ASXL1: variants seen among roughly 807,000 people sequenced by gnomAD.
ASXL1 encodes ASXL transcriptional regulator 1.
A neutral mutation model predicts 89.1 loss-of-function variants in ASXL1; 65 were observed. The observed-to-expected ratio is 0.73, with a 90% CI of 0.60 to 0.90. The LOEUF (loss-of-function observed/expected upper bound fraction) is 0.90. Among genes scored for constraint, ASXL1 ranks in the 40% least tolerant of loss-of-function variants. The probability of loss-of-function intolerance (pLI) is 0.00; values close to 1 mark genes in which losing one functional copy is unlikely to be tolerated. For synonymous variants in ASXL1, 739 were observed against 746.9 expected (o/e 0.99, Z 0.17); for missense variants, 1,786 against 1,942.9 (o/e 0.92, Z 1.52).
Position 32,434,812 on chromosome 20 carries a change from T to C in ASXL1, c.2100T>C (p.Tyr700=), listed in dbSNP as rs1261178797. ...DLQRTQLLPP[Y]PLNGEHTQAG... is the part of the protein sequence containing the mutation. ...AGCGAACACAACTACTGCCGCCTTA[T>C]CCTCTAAATGGGGAGCATACCCAGG... The change falls in exon 13 of 13, where the codon TAT becomes TAC. Residue 700 remains tyrosine, a synonymous_variant. Transcript: ENST00000375687. 6.2e-7 allele frequency: 1 copy of C among 1,613,884 alleles called. No homozygotes were observed. The highest frequency in any genetic ancestry group is 8.5e-7 in the Non-Finnish European group (1 of 1,180,016).
At chr20:32,428,015 C>T (rs2011379695) in intron 4 of ASXL1, 113 bp from the exon 5 acceptor site, 1 of 1,479,522 alleles carries the variant, frequency 6.8e-7, no homozygotes, top group Non-Finnish European at 9.3e-7. Flanking sequence ...GGGTTAGGAA[C>T]TTGTCAGTAT....
chr20:32,370,467 G>A (rs1404335478), intron 4 of ASXL1, among the ~76,000 whole-genome samples: 4 of 152,118 alleles, frequency 2.6e-5, no homozygotes, highest in Admixed American at 1.3e-4. Flanking sequence ...AAAACAGGCT[G>A]CAGGCCAGAT....
Position 32,437,286 on chromosome 20 carries a change from A to G in ASXL1, c.4574A>G (p.Asp1525Gly), listed in dbSNP as rs2145397694. The G allele has an allele frequency of 6.2e-7, 1 of 1,614,162 alleles. No individual in the cohort carries two copies. The change falls in exon 13 of 13, where the codon GAT becomes GGT. Residue 1525 changes from aspartate to glycine, a missense_variant. Around this residue, in one of 3 missense-constraint regions of ASXL1, gnomAD observed 36 missense variants for 65.5 expected, o/e 0.55. Transcript: ENST00000375687. ...MCQGCGAFCHDDCIGPSKLCV... is the reference protein window; with the variant it reads ...MCQGCGAFCHGDCIGPSKLCV... ...CAAGGCTGCGGTGCGTTCTGTCACG[A>G]TGACTGTATTGGACCCTCAAAGCTC...
rs1248542909 is a variant in ASXL1 at position 32,435,856 on chromosome 20, T to C, written c.3144T>C (p.Gly1048=). 1 of 1,614,080 alleles carries C rather than the reference T, an allele frequency of 6.2e-7. No homozygotes were observed. Among genetic ancestry groups the C allele is most frequent in the East Asian group, 2.2e-5 (1 of 44,898 alleles). ...NQSAPLSKVN[G]DMRLVTRTDG... ...CTGCCCCACTGTCCAAGGTGAATGG[T>C]GACATGCGTCTGGTTACAAGGACAG... The change falls in exon 13 of 13, where the codon GGT becomes GGC. Residue 1048 remains glycine (G), a synonymous_variant. Transcript: ENST00000375687.
At position 32,372,186 on chromosome 20, in the gene ASXL1, C is replaced by T. The variant is rs745897173; in HGVS notation, c.252+3063C>T. On this transcript the variant is annotated intron_variant, in intron 4 of 12. Coordinates refer to ENST00000375687, the MANE Select transcript of ASXL1 (RefSeq NM_015338.6). ...CAGGTGTGAGCCACTGCACCAGGCCCCTTCATCTTAATTTTAATATATCTT... is the reference window on the plus strand; with the variant it reads ...CAGGTGTGAGCCACTGCACCAGGCCTCTTCATCTTAATTTTAATATATCTT... The T allele has an allele frequency of 2.1e-5, 28 of 1,342,934 alleles. 1 individual carries two copies. In the South Asian group the frequency reaches 3.0e-4, roughly 14 times the overall value. 83.2% of individuals were successfully genotyped at this position (1,342,934 alleles called of 1,614,324 possible).
chr20:32,429,565 G>A lies in ASXL1; in HGVS notation c.565+134G>A. 1 of 943,074 alleles carries A rather than the reference G, an allele frequency of 1.1e-6. No individual in the cohort carries two copies. Among genetic ancestry groups the A allele is most frequent in the East Asian group, 2.6e-5 (1 of 38,634 alleles). The allele number at this position is 943,074 out of a possible 1,614,324, so 58.4% of individuals were successfully genotyped here. A position where few individuals can be genotyped will look rare whatever the true frequency, so the allele number is the denominator to read the frequency against. On this transcript the variant is annotated intron_variant, in intron 7 of 12. Coordinates refer to ENST00000375687, the MANE Select transcript of ASXL1 (RefSeq NM_015338.6). This position sits in a 1 kb window ranked among gnomAD's most constrained non-coding sequence, Gnocchi z 4.9. ...GCCACAGGCAAGAGCCCTGCCAATG[G>A]ATGAGGCCTGCCATAGGTTCTAGTG...
Position 32,429,284 on chromosome 20 carries a change from T to A in ASXL1, c.472-54T>A. ...TAGAGATAGTGTCGCCAGGGAATGCTTTTGTGGCTCTGCAGTTGACTTGGG... is the reference window on the plus strand; with the variant it reads ...TAGAGATAGTGTCGCCAGGGAATGCATTTGTGGCTCTGCAGTTGACTTGGG... On this transcript the variant is annotated intron_variant, in intron 6 of 12. Coordinates refer to ENST00000375687, the MANE Select transcript of ASXL1 (RefSeq NM_015338.6). This position sits in a 1 kb window ranked among gnomAD's most constrained non-coding sequence, Gnocchi z 4.9. The A allele has an allele frequency of 6.4e-7, 1 of 1,559,548 alleles. No homozygotes were observed. The highest frequency in any genetic ancestry group is 2.3e-5 in the East Asian group (1 of 44,070).
intron 4 of ASXL1, among the ~76,000 whole-genome samples, chr20:32,374,348 C>T (rs2048343592): frequency 6.6e-6 from 1 of 152,124 alleles, no homozygotes; most frequent in Non-Finnish European, 1.5e-5. Context: ...CTAGATGGTG[C>T]AGTGGCACCA....
At position 32,436,442 on chromosome 20, in the gene ASXL1, A is replaced by G. The variant is rs771995556; in HGVS notation, c.3730A>G (p.Lys1244Glu). 1.2e-6 allele frequency: 2 copies of G among 1,614,120 alleles called. No homozygotes were observed. Reference sequence around the variant, plus strand: ...CTCTTCCTTTAGTTGTGAAGATCAGAAGGAAGTCCGTGCTATGTCACAGGA... The same window carrying G: ...CTCTTCCTTTAGTTGTGAAGATCAGGAGGAAGTCCGTGCTATGTCACAGGA... Reference protein sequence around the residue: ...QFSSFSCEDQKEVRAMSQDSN... With the variant: ...QFSSFSCEDQEEVRAMSQDSN... The change falls in exon 13 of 13, where the codon AAG becomes GAG. Residue 1244 changes from lysine (K) to glutamate (E), a missense_variant. This residue lies in a region of ASXL1 where 1,418 missense variants were observed against 1,427.8 expected (regional missense o/e 0.99). Coordinates refer to ENST00000375687, the MANE Select transcript of ASXL1 (RefSeq NM_015338.6).
At chr20:32,367,782 C>G in intron 3 of ASXL1, 53 bp downstream of exon 3, 1 of 780,036 alleles carries the variant, frequency 1.3e-6, no homozygotes. Flanking sequence ...CTTGTTTCTG[C>G]TTCTTGTTCT....
chr20:32,374,513 C>G (rs935866617), intron 4 of ASXL1, among the ~76,000 whole-genome samples: 1 of 152,064 alleles, frequency 6.6e-6, no homozygotes, highest in Non-Finnish European at 1.5e-5. Flanking sequence ...TCAGGCTAGT[C>G]TCAAACTCCT....
rs2011749885 is a variant in ASXL1 at position 32,435,221 on chromosome 20, A to G, written c.2509A>G (p.Met837Val). 3 of 1,614,050 alleles carry G rather than the reference A, an allele frequency of 1.9e-6. No homozygotes were observed. The highest frequency in any genetic ancestry group is 1.6e-4 in the Middle Eastern group (1 of 6,062). Residue 837 changes from methionine to valine, a missense_variant, in exon 13 of 13, where the codon ATG (methionine) becomes GTG (valine). By Grantham distance (21) the Met-to-Val change is conservative. Around this residue, in one of 3 missense-constraint regions of ASXL1, gnomAD observed 1,418 missense variants for 1,427.8 expected, o/e 0.99. Coordinates refer to ENST00000375687, the MANE Select transcript of ASXL1 (RefSeq NM_015338.6). Reference protein sequence around the residue: ...TGQALDSHPTMKDPVNVTPSS... With the variant: ...TGQALDSHPTVKDPVNVTPSS... ...CCAAGCTCTTGACAGTCATCCCACT[A>G]TGAAGGATCCTGTAAATGTGACCCC...
chr20:32,418,651 A>G (rs1203707110), intron 4 of ASXL1, among the ~76,000 whole-genome samples: 1 of 151,968 alleles, frequency 6.6e-6, no homozygotes, highest in African/African-American at 2.4e-5. Flanking sequence ...TTAATTACTA[A>G]AACTTTCTAA....
At chr20:32,378,158 TTGTGTGTGTG>T (rs142792019) in intron 4 of ASXL1, among the ~76,000 whole-genome samples, 35 of 130,226 alleles carry the variant, frequency 2.7e-4, no homozygotes, top group East Asian at 9.2e-4. Context: ...GCTGAGTAAT[TTGTGTGTGTG>T]TGTGTGTGTG....
chr20:32,429,525 T>C lies in ASXL1; in HGVS notation c.565+94T>C, dbSNP rs2123218519. The C allele has an allele frequency of 7.6e-7, 1 of 1,313,040 alleles. No individual in the cohort carries two copies. 81.3% of individuals were successfully genotyped at this position (1,313,040 alleles called of 1,614,324 possible). On this transcript the variant is annotated intron_variant, in intron 7 of 12. Coordinates refer to ENST00000375687, the MANE Select transcript of ASXL1 (RefSeq NM_015338.6). This position sits in a 1 kb window ranked among gnomAD's most constrained non-coding sequence, Gnocchi z 4.9. ...AGTTTCTGACCTAATAGTGCGATACTAGGAGAGCTGTCGGGCCACAGGCAA... is the reference window on the plus strand; with the variant it reads ...AGTTTCTGACCTAATAGTGCGATACCAGGAGAGCTGTCGGGCCACAGGCAA...
chr20:32,381,137 C>T (rs571954757), intron 4 of ASXL1, among the ~76,000 whole-genome samples: 45 of 152,280 alleles, frequency 3.0e-4, no homozygotes, highest in South Asian at 6.2e-4. Context: ...ATAATAGGTG[C>T]TAATAAATAT....
At chr20:32,434,379 C>G in intron 12 of ASXL1, 53 bp from the exon 13 acceptor site, 7 of 1,603,412 alleles carry the variant, frequency 4.4e-6, no homozygotes, top group Non-Finnish European at 6.0e-6. Flanking sequence ...TTTACAGTCC[C>G]TAGGTCAGAT....
In ASXL1 at chr20:32,434,638, AGGG is replaced by A; in HGVS notation, c.1932_1934del (p.Gly646del). 1 of 1,602,868 alleles carries A rather than the reference AGGG, an allele frequency of 6.2e-7. No individual in the cohort carries two copies. Among genetic ancestry groups the A allele is most frequent in the Non-Finnish European group, 8.5e-7 (1 of 1,174,538 alleles). ...GAGAGGCGGCCACCACTGCCATCGG[AGGG>A]GGGGGTGGCCCGGGTGGAGGTGGCG... On this transcript the variant is annotated inframe_deletion, in exon 13 of 13. Transcript: ENST00000375687.
At chr20:32,401,069 T>TC (rs1211317102) in intron 4 of ASXL1, among the ~76,000 whole-genome samples, 1 of 152,146 alleles carries the variant, frequency 6.6e-6, no homozygotes, top group Non-Finnish European at 1.5e-5. Flanking sequence ...TTCACCCACT[T>TC]CCCCCATGAT....
Sources: allele counts gnomAD v4.1 joint callset (sites outside exome capture counted in the v4.1 genomes callset), GRCh38; gene constraint gnomAD v4.1.1; regional missense constraint gnomAD v4.1.1; non-coding constraint Gnocchi (gnomAD v3.1); transcripts MANE v1.5; gene names NCBI Gene and HGNC (gene_info 2026-07-23, HGNC 2026-07-21).